The following CHCHD6 variants were observed in gnomAD, a reference collection of about 807,000 sequenced individuals.
CHCHD6 encodes the protein coiled-coil-helix-coiled-coil-helix domain containing 6, also known as MICOS complex subunit MIC25.
Under a neutral mutation model 32.3 loss-of-function variants are expected in CHCHD6, and 28 were observed. The observed-to-expected ratio is 0.87, with a 90% CI of 0.64 to 1.19. The LOEUF is 1.19. CHCHD6 is among the 50% of genes most tolerant of loss of function. The pLI is 0.00. For synonymous variants in CHCHD6, 122 were observed against 117.5 expected (o/e 1.04, Z -0.25); for missense variants, 333 against 307.0 (o/e 1.08, Z -0.63).
intron 4 of CHCHD6, among the ~76,000 whole-genome samples, chr3:126,744,573 C>T (rs1936415061): frequency 6.6e-6 from 1 of 152,174 alleles, no homozygotes; most frequent in African/African-American, 2.4e-5. Flanking sequence ...AATGGAAGCC[C>T]AGTTGGCAGT....
chr3:126,958,425 A>T (rs1389994253), intron 7 of CHCHD6, among the ~76,000 whole-genome samples: 1 of 152,230 alleles, frequency 6.6e-6, no homozygotes, highest in Non-Finnish European at 1.5e-5. Flanking sequence ...TGGCCTGAGT[A>T]GGAGACAGGC....
At chr3:126,915,114 C>T (rs2078150427) in intron 6 of CHCHD6, among the ~76,000 whole-genome samples, 1 of 152,248 alleles carries the variant, frequency 6.6e-6, no homozygotes, top group Non-Finnish European at 1.5e-5. Flanking sequence ...GCTTCTCTCC[C>T]CTCTGACTGT....
chr3:126,848,139 T>G (rs139571483), intron 4 of CHCHD6, among the ~76,000 whole-genome samples: 2,745 of 152,214 alleles, frequency 0.018, 31 homozygotes, highest in Middle Eastern at 0.051. Flanking sequence ...GCCAACTAAC[T>G]TTTTATTTTT....
chr3:126,871,967 C>T (rs1454651036), intron 5 of CHCHD6, among the ~76,000 whole-genome samples: 1 of 152,082 alleles, frequency 6.6e-6, no homozygotes, highest in East Asian at 1.9e-4. Flanking sequence ...GCCTGGACTC[C>T]TCTTCCCCTT....
At position 126,755,993 on chromosome 3, in the gene CHCHD6, C is replaced by T. The variant is rs188751183; in HGVS notation, c.411+22771C>T. ...ACCCTTTTTGCAGATGACTGTGAGG[C>T]TCTGGGAGGTTAGTAAACTGTCCAG... On this transcript the variant is annotated intron_variant, in intron 4 of 7. Transcript: ENST00000290913. Among the ~76,000 whole-genome samples the T allele has an allele frequency of 1.6e-3, 250 of 152,232 alleles. 1 individual carries two copies. The highest frequency in any genetic ancestry group is 5.9e-3 in the African/African-American group (244 of 41,540).
intron 1 of CHCHD6, among the ~76,000 whole-genome samples, chr3:126,705,158 A>G (rs1476718316): frequency 6.6e-6 from 1 of 152,152 alleles, no homozygotes; most frequent in Non-Finnish European, 1.5e-5. Context: ...GTTGTAATTC[A>G]GATATCACCA....
intron 5 of CHCHD6, among the ~76,000 whole-genome samples, chr3:126,910,103 C>T (rs1261173758): frequency 2.6e-5 from 4 of 152,046 alleles, no homozygotes; most frequent in African/African-American, 9.7e-5. Context: ...ATGGCGAAAC[C>T]CCCTCTCTGT....
chr3:126,928,301 G>A (rs948515482), intron 6 of CHCHD6, among the ~76,000 whole-genome samples: 2 of 152,238 alleles, frequency 1.3e-5, no homozygotes, highest in East Asian at 1.9e-4. Flanking sequence ...TTAAAGGTTA[G>A]AGACAGGTAT....
intron 6 of CHCHD6, among the ~76,000 whole-genome samples, chr3:126,955,669 T>C (rs2078773772): frequency 6.6e-6 from 1 of 152,220 alleles, no homozygotes; most frequent in Non-Finnish European, 1.5e-5. Context: ...GTTTTGTTCA[T>C]GCCCTGGGGA....
At chr3:126,735,643 A>G (rs1936011254) in intron 4 of CHCHD6, among the ~76,000 whole-genome samples, 1 of 152,142 alleles carries the variant, frequency 6.6e-6, no homozygotes, top group Admixed American at 6.5e-5. Context: ...TTGAGTGAGT[A>G]TAGAGGAATG....
At chr3:126,957,310 G>C in intron 6 of CHCHD6, 106 bp from the exon 7 acceptor site, 1 of 1,301,432 alleles carries the variant, frequency 7.7e-7, no homozygotes, top group Non-Finnish European at 1.1e-6. Context: ...TGGGTGTCAG[G>C]GACTTAGCCT....
intron 4 of CHCHD6, among the ~76,000 whole-genome samples, chr3:126,756,133 C>T (rs1034469004): frequency 2.0e-5 from 3 of 151,990 alleles, no homozygotes; most frequent in African/African-American, 7.3e-5. Context: ...AACACAGGAC[C>T]GAGTTTCCCA....
chr3:126,904,928 G>A (rs2077983958), intron 5 of CHCHD6, among the ~76,000 whole-genome samples: 1 of 152,186 alleles, frequency 6.6e-6, no homozygotes, highest in South Asian at 2.1e-4. Flanking sequence ...GGGTGCCCTG[G>A]TGGATGAGGG....
rs182767454 is a variant in CHCHD6 at position 126,704,656 on chromosome 3, G to A, written c.87+257G>A. Among the ~76,000 whole-genome samples, 31 of 152,276 alleles carry A rather than the reference G, an allele frequency of 2.0e-4. No individual in the cohort carries two copies. The East Asian group carries it at 6.0e-3, about 29-fold the overall frequency. ...GCGAGGCCCCTGGGACACGAGGGAC[G>A]CCCTGGCCACGTCCTGGCTCCGGTC... On this transcript the variant is annotated intron_variant, in intron 1 of 7. Coordinates refer to ENST00000290913, the MANE Select transcript of CHCHD6 (RefSeq NM_032343.3).
chr3:126,906,916 C>T (rs527257311), intron 5 of CHCHD6, among the ~76,000 whole-genome samples: 2 of 152,148 alleles, frequency 1.3e-5, no homozygotes, highest in Non-Finnish European at 2.9e-5. Context: ...TCACAGCAGA[C>T]GCTGGAACAA....
intron 4 of CHCHD6, among the ~76,000 whole-genome samples, chr3:126,800,927 T>C (rs1162684055): frequency 2.0e-5 from 3 of 152,212 alleles, no homozygotes; most frequent in Non-Finnish European, 4.4e-5. Flanking sequence ...ACCCTACCAA[T>C]TGACAAATCA....
At chr3:126,895,980 G>A (rs1284617760) in intron 5 of CHCHD6, among the ~76,000 whole-genome samples, 2 of 152,220 alleles carry the variant, frequency 1.3e-5, no homozygotes, top group African/African-American at 2.4e-5. Context: ...AGGGCCCTGA[G>A]AGATGTTCTA....
intron 4 of CHCHD6, among the ~76,000 whole-genome samples, chr3:126,814,222 T>C (rs1939781421): frequency 6.6e-6 from 1 of 152,230 alleles, no homozygotes; most frequent in African/African-American, 2.4e-5. Context: ...GCGTTGGCGG[T>C]AACTCTTTGT....
At chr3:126,801,882 C>G (rs1294395826) in intron 4 of CHCHD6, among the ~76,000 whole-genome samples, 1 of 152,208 alleles carries the variant, frequency 6.6e-6, no homozygotes, top group Non-Finnish European at 1.5e-5. Flanking sequence ...GAGGAACGAT[C>G]AGACAGCAGC....
Sources: gnomAD v4.1 joint callset for allele counts (sites outside exome capture counted in the v4.1 genomes callset) on GRCh38, gnomAD v4.1.1 for gene constraint, MANE v1.5 for transcripts, NCBI Gene and HGNC (gene_info 2026-07-23, HGNC 2026-07-21) for gene names.